CPLX1: variants seen among roughly 807,000 people sequenced by gnomAD.
CPLX1 encodes the protein complexin-1.
A neutral mutation model predicts 15.6 loss-of-function variants in CPLX1; 6 were observed. That is an observed-to-expected ratio of 0.39 (90% CI 0.21 to 0.76). CPLX1 has a LOEUF of 0.76. Ranked by LOEUF, CPLX1 falls within the 30% of genes least tolerant of loss-of-function variation. The pLI is 0.43. For synonymous variants in CPLX1, 91 were observed against 75.2 expected (o/e 1.21, Z -1.08); for missense variants, 242 against 188.6 (o/e 1.28, Z -1.66).
At position 825,600 on chromosome 4, in the gene CPLX1, G is replaced by A. The variant is rs372185284; in HGVS notation, c.-80+446C>T. Reference sequence around the variant, plus strand: ...GCCCTCAGGCGGGAGCGCGCCAGGAGAGGAAAGAAAGAGGGCGAGGGAGGA... The same window carrying A: ...GCCCTCAGGCGGGAGCGCGCCAGGAAAGGAAAGAAAGAGGGCGAGGGAGGA... On this transcript the variant is annotated intron_variant, in intron 1 of 3. Transcript: ENST00000304062. Among the ~76,000 whole-genome samples, 6 of 151,988 alleles carry A rather than the reference G, an allele frequency of 3.9e-5. No homozygotes were observed. In the East Asian group the frequency reaches 1.2e-3, roughly 30 times the overall value.
intron 2 of CPLX1, among the ~76,000 whole-genome samples, chr4:822,790 ACAGAGGCG>A (rs1234824640): frequency 1.3e-5 from 2 of 152,120 alleles, no homozygotes; most frequent in Non-Finnish European, 2.9e-5. Context: ...CGGGTGAGGG[ACAGAGGCG>A]CAGAGGCAGA....
At chr4:824,343 G>C in intron 2 of CPLX1, 149 bp downstream of exon 2, 3 of 727,418 alleles carry the variant, frequency 4.1e-6, no homozygotes, top group Non-Finnish European at 7.1e-6. Flanking sequence ...CACGGTCCTT[G>C]CTCCTCTGCC....
rs191893022 is a variant in CPLX1 at position 792,702 on chromosome 4, C to G, written c.32-94G>C. On this transcript the variant is annotated intron_variant, in intron 2 of 3. Transcript: ENST00000304062. Reference sequence around the variant, plus strand: ...CACTCCCCCACCTTCTGGCCGACCCCCCAAACCCTCCATCCACTCGACCCT... The same window carrying G: ...CACTCCCCCACCTTCTGGCCGACCCGCCAAACCCTCCATCCACTCGACCCT... 87 of 1,379,360 alleles carry G rather than the reference C, an allele frequency of 6.3e-5. No homozygotes were observed. In the East Asian group the frequency reaches 2.1e-3, roughly 33 times the overall value. The allele number at this position is 1,379,360 out of a possible 1,614,324, so 85.4% of individuals were successfully genotyped here.
intron 2 of CPLX1, among the ~76,000 whole-genome samples, chr4:819,031 A>G (rs967572482): frequency 6.6e-6 from 1 of 152,236 alleles, no homozygotes; most frequent in Admixed American, 6.5e-5. Flanking sequence ...CTCAATGTTC[A>G]TTCTGAAGCT....
intron 2 of CPLX1, among the ~76,000 whole-genome samples, chr4:800,109 G>C (rs1432127112): frequency 6.6e-6 from 1 of 152,124 alleles, no homozygotes; most frequent in Non-Finnish European, 1.5e-5. Flanking sequence ...GAATGGAATT[G>C]AATTGGAGAA....
intron 2 of CPLX1, among the ~76,000 whole-genome samples, chr4:804,246 T>C (rs1424190416): frequency 2.0e-5 from 3 of 152,236 alleles, no homozygotes; most frequent in Non-Finnish European, 4.4e-5. Flanking sequence ...CCCACCTCTC[T>C]TCCTGATGAC....
At position 811,309 on chromosome 4, in the gene CPLX1, A is replaced by AT. The variant is rs923330451; in HGVS notation, c.31+13182dup. 6.7e-3 allele frequency among the ~76,000 whole-genome samples: 1,005 copies of AT among 150,152 alleles called. 6 individuals are homozygous for AT. Among genetic ancestry groups the AT allele is most frequent in the African/African-American group, 0.023 (933 of 41,026 alleles). ...AGGTGCATACCACTGTGCCCAGCCAATTTTTTTTTTATTTTTCATAGAGAT... is the reference window on the plus strand; with the variant it reads ...AGGTGCATACCACTGTGCCCAGCCAATTTTTTTTTTTATTTTTCATAGAGAT... On this transcript the variant is annotated intron_variant, in intron 2 of 3. Coordinates refer to ENST00000304062, the MANE Select transcript of CPLX1 (RefSeq NM_006651.4).
intron 2 of CPLX1, among the ~76,000 whole-genome samples, chr4:813,284 G>A (rs1461714629): frequency 6.9e-6 from 1 of 144,516 alleles, no homozygotes; most frequent in African/African-American, 2.5e-5. Flanking sequence ...AAAAAAAAAA[G>A]AGAAAGTGAA....
intron 2 of CPLX1, among the ~76,000 whole-genome samples, chr4:793,482 G>T (rs993470609): frequency 6.6e-6 from 1 of 152,216 alleles, no homozygotes; most frequent in African/African-American, 2.4e-5. Context: ...GGACAGATAT[G>T]CATAATTACG....
intron 2 of CPLX1, 110 bp downstream of exon 2, chr4:824,381 TG>T: frequency 1.0e-6 from 1 of 959,298 alleles, no homozygotes; most frequent in Non-Finnish European, 1.7e-6. Flanking sequence ...GCTGCGTGGG[TG>T]GCCGTGTGGC....
chr4:800,616 G>A (rs1017735241), intron 2 of CPLX1, among the ~76,000 whole-genome samples: 4 of 143,142 alleles, frequency 2.8e-5, no homozygotes, highest in African/African-American at 1.0e-4. Context: ...GCCAGACATG[G>A]TGACGGGCAA....
chr4:804,258 C>T (rs1746513732), intron 2 of CPLX1, among the ~76,000 whole-genome samples: 1 of 152,198 alleles, frequency 6.6e-6, no homozygotes, highest in South Asian at 2.1e-4. Context: ...CCTGATGACA[C>T]GATCCTATCT....
rs568916578 is a variant in CPLX1, at chr4:790,167, C to T, written c.207+2266G>A. 2.0e-4 allele frequency among the ~76,000 whole-genome samples: 30 copies of T among 152,316 alleles called. No individual in the cohort carries two copies. The South Asian group carries it at 5.8e-3, about 29-fold the overall frequency. ...GTGGGGAAGGTGTGGACGTGGGGTC[C>T]GGGGGGATCCACTTTGGCAGGGCCT... On this transcript the variant is annotated intron_variant, in intron 3 of 3. Transcript: ENST00000304062.
At chr4:798,595 C>T (rs1433626481) in intron 2 of CPLX1, among the ~76,000 whole-genome samples, 1 of 152,164 alleles carries the variant, frequency 6.6e-6, no homozygotes, top group Non-Finnish European at 1.5e-5. Context: ...CAAGGTCTCA[C>T]TATGTTGCCC....
chr4:822,135 A>T (rs1746877847), intron 2 of CPLX1, among the ~76,000 whole-genome samples: 1 of 123,232 alleles, frequency 8.1e-6, no homozygotes, highest in Non-Finnish European at 1.7e-5. Flanking sequence ...CCCTCTCACC[A>T]CTGTCTCTCC....
intron 3 of CPLX1, among the ~76,000 whole-genome samples, chr4:790,942 TTC>T (rs34794303): frequency 0.62 from 93,499 of 151,056 alleles, 29,264 homozygotes; most frequent in Middle Eastern, 0.74. Flanking sequence ...TTTTGTCTTT[TTC>T]TCTGTCTCTC....
chr4:802,692 G>A (rs1746480960), intron 2 of CPLX1, among the ~76,000 whole-genome samples: 1 of 152,210 alleles, frequency 6.6e-6, no homozygotes, highest in African/African-American at 2.4e-5. Flanking sequence ...GCTCACACCT[G>A]TAATCCCAGC....
intron 2 of CPLX1, among the ~76,000 whole-genome samples, chr4:797,502 A>AT (rs1746364383): frequency 6.6e-6 from 1 of 152,082 alleles, no homozygotes; most frequent in South Asian, 2.1e-4. Context: ...TAATATTTGT[A>AT]TTTTTAATAG....
intron 2 of CPLX1, among the ~76,000 whole-genome samples, chr4:803,243 G>A (rs925808549): frequency 3.9e-5 from 6 of 152,260 alleles, no homozygotes; most frequent in Non-Finnish European, 7.3e-5. Flanking sequence ...AGCTGCCGCT[G>A]CGATTCTGCG....
Sources: allele counts gnomAD v4.1 joint callset (sites outside exome capture counted in the v4.1 genomes callset), GRCh38; gene constraint gnomAD v4.1.1; transcripts MANE v1.5; gene names NCBI Gene and HGNC (gene_info 2026-07-23, HGNC 2026-07-21).